TTC23: variants seen among roughly 807,000 people sequenced by gnomAD.
The protein encoded by TTC23 is tetratricopeptide repeat domain 23.
In TTC23, 58 loss-of-function variants were observed where a neutral mutation model predicts 55.1. That is an observed-to-expected ratio of 1.05 (90% CI 0.85 to 1.31). The LOEUF is 1.31. Ranked by LOEUF, TTC23 falls within the 50% of genes most tolerant of loss-of-function variation. TTC23 has a pLI of 0.00. For synonymous variants in TTC23, 203 were observed against 199.9 expected (o/e 1.02, Z -0.13); for missense variants, 516 against 534.4 (o/e 0.97, Z 0.34).
intron 9 of TTC23, among the ~76,000 whole-genome samples, chr15:99,183,618 C>A (rs1382844253): frequency 6.6e-6 from 1 of 150,614 alleles, no homozygotes; most frequent in Non-Finnish European, 1.5e-5. Flanking sequence ...GGATTACAAG[C>A]ATGAGCCATC....
At chr15:99,238,944 G>A (rs1224822052) in intron 3 of TTC23, among the ~76,000 whole-genome samples, 3 of 152,220 alleles carry the variant, frequency 2.0e-5, no homozygotes, top group Non-Finnish European at 4.4e-5. Context: ...TATGGAAATA[G>A]CACTTTAAAA....
chr15:99,228,812 C>T lies in TTC23; in HGVS notation c.-20-80G>A, dbSNP rs973621218. 27 of 1,157,874 alleles carry T rather than the reference C, an allele frequency of 2.3e-5. No individual in the cohort carries two copies. The South Asian group carries it at 2.4e-4, about 10-fold the overall frequency. The allele number at this position is 1,157,874 out of a possible 1,614,324, so 71.7% of individuals were successfully genotyped here. On this transcript the variant is annotated intron_variant, in intron 4 of 13. Coordinates refer to ENST00000394132, the MANE Select transcript of TTC23 (RefSeq NM_001288615.3). Reference sequence around the variant, plus strand: ...TAGAAATATACATTTCAACACTATACCCATAATTTCTTTGAAATTAGTAGC... The same window carrying T: ...TAGAAATATACATTTCAACACTATATCCATAATTTCTTTGAAATTAGTAGC...
At chr15:99,201,857 C>A (rs1187181296) in intron 8 of TTC23, among the ~76,000 whole-genome samples, 1 of 152,044 alleles carries the variant, frequency 6.6e-6, no homozygotes, top group Non-Finnish European at 1.5e-5. Flanking sequence ...GAAGAGAAAA[C>A]CCATTAGAAC....
intron 8 of TTC23, among the ~76,000 whole-genome samples, chr15:99,212,873 T>A (rs899108293): frequency 2.0e-5 from 3 of 150,252 alleles, no homozygotes; most frequent in Non-Finnish European, 2.9e-5. Context: ...TAGTCCCAGC[T>A]AGTCAAGAGG....
intron 1 of TTC23, among the ~76,000 whole-genome samples, chr15:99,248,708 T>G (rs1251736483): frequency 1.3e-5 from 2 of 152,232 alleles, no homozygotes; most frequent in African/African-American, 2.4e-5. Flanking sequence ...GGGCTGGATT[T>G]TATTACTTTA....
At chr15:99,191,606 C>G (rs2075256789) in intron 9 of TTC23, among the ~76,000 whole-genome samples, 1 of 152,210 alleles carries the variant, frequency 6.6e-6, no homozygotes, top group Non-Finnish European at 1.5e-5. Flanking sequence ...TCCTCCTTGC[C>G]TTCTACCATG....
At position 99,152,049 on chromosome 15, in the gene TTC23, G is replaced by C. The variant is rs911927390; in HGVS notation, c.1143+4099C>G. 2.0e-5 allele frequency among the ~76,000 whole-genome samples: 3 copies of C among 152,200 alleles called. 1 individual carries two copies. Among genetic ancestry groups the C allele is most frequent in the Non-Finnish European group, 4.4e-5 (3 of 68,032 alleles). Reference sequence around the variant, plus strand: ...TCCCCAATATTGGAGGTGGGGCCTGGTGGGAGGTGACTGGATCCTACAGGT... The same window carrying C: ...TCCCCAATATTGGAGGTGGGGCCTGCTGGGAGGTGACTGGATCCTACAGGT... On this transcript the variant is annotated intron_variant, in intron 12 of 13. Coordinates refer to ENST00000394132, the MANE Select transcript of TTC23 (RefSeq NM_001288615.3).
Position 99,212,209 on chromosome 15 carries a change from T to C in TTC23, c.581+6379A>G, listed in dbSNP as rs116356276. The stretch of plus-strand genomic sequence containing the variant: ...GGGAAAATCACATGTTCTGGAGCAA[T>C]AGTCTCAATAGGTCATCATCATGCT... On this transcript the variant is annotated intron_variant, in intron 8 of 13. Transcript: ENST00000394132. 4.2e-3 allele frequency among the ~76,000 whole-genome samples: 632 copies of C among 151,926 alleles called. 8 individuals are homozygous for C. The highest frequency in any genetic ancestry group is 0.015 in the African/African-American group (614 of 41,406).
chr15:99,198,754 G>A (rs1300501355), intron 9 of TTC23, among the ~76,000 whole-genome samples: 2 of 152,056 alleles, frequency 1.3e-5, no homozygotes, highest in Non-Finnish European at 2.9e-5. Context: ...GAGAAAAAGG[G>A]GCACTCTAAC....
intron 5 of TTC23, among the ~76,000 whole-genome samples, chr15:99,225,748 G>A (rs1441275519): frequency 2.0e-5 from 3 of 152,166 alleles, no homozygotes; most frequent in African/African-American, 7.2e-5. Context: ...ACTGATTCAG[G>A]TGGCAGAGTG....
At chr15:99,186,638 T>TA (rs2074689194) in intron 9 of TTC23, among the ~76,000 whole-genome samples, 3 of 152,136 alleles carry the variant, frequency 2.0e-5, no homozygotes, top group South Asian at 4.1e-4. Context: ...AAGATAAACA[T>TA]AAAAAATCAT....
chr15:99,142,502 A>G (rs557176216), intron 12 of TTC23, among the ~76,000 whole-genome samples: 1 of 152,250 alleles, frequency 6.6e-6, no homozygotes, highest in African/African-American at 2.4e-5. Context: ...CTTGTTGTTA[A>G]TTCATTCACT....
intron 9 of TTC23, among the ~76,000 whole-genome samples, chr15:99,179,635 T>C (rs754133678): frequency 6.6e-5 from 10 of 152,234 alleles, no homozygotes; most frequent in Admixed American, 2.0e-4. Context: ...CATGGCACCA[T>C]TGATTTTCAA....
chr15:99,143,889 T>C (rs959172275), intron 12 of TTC23, among the ~76,000 whole-genome samples: 2 of 152,160 alleles, frequency 1.3e-5, no homozygotes, highest in African/African-American at 2.4e-5. Flanking sequence ...AGTGATTAAA[T>C]AGGACAAACA....
chr15:99,235,483 G>A (rs1356927442), intron 3 of TTC23, among the ~76,000 whole-genome samples: 1 of 151,408 alleles, frequency 6.6e-6, no homozygotes, highest in African/African-American at 2.4e-5. Context: ...CGATTCCCCT[G>A]CCTCAGCCTC....
At chr15:99,218,769 T>C in intron 7 of TTC23, 56 bp from the exon 8 acceptor site, 3 of 1,608,412 alleles carry the variant, frequency 1.9e-6, no homozygotes, top group Non-Finnish European at 2.5e-6. Flanking sequence ...CCCCATGTCC[T>C]GAACTTCCTT....
intron 8 of TTC23, among the ~76,000 whole-genome samples, chr15:99,217,160 C>CT (rs976618078): frequency 8.4e-6 from 1 of 118,460 alleles, no homozygotes; most frequent in African/African-American, 3.0e-5. Flanking sequence ...CTTTTTTTCT[C>CT]TTCTTTTTTT....
chr15:99,175,527 C>T (rs2073446776), intron 9 of TTC23, among the ~76,000 whole-genome samples: 2 of 152,196 alleles, frequency 1.3e-5, no homozygotes, highest in Non-Finnish European at 1.5e-5. Flanking sequence ...CCTGCCTACC[C>T]GCCAGCCCCA....
intron 10 of TTC23, among the ~76,000 whole-genome samples, chr15:99,168,756 G>A (rs956805430): frequency 5.9e-5 from 9 of 152,148 alleles, no homozygotes; most frequent in African/African-American, 2.2e-4. Flanking sequence ...CTTGGGTGGG[G>A]AACAGGCCTC....
Sources: gnomAD v4.1 joint callset for allele counts (sites outside exome capture counted in the v4.1 genomes callset) on GRCh38, gnomAD v4.1.1 for gene constraint, MANE v1.5 for transcripts, NCBI Gene and HGNC (gene_info 2026-07-23, HGNC 2026-07-21) for gene names.